Variants in HIVEP3 observed in about 807,000 individuals in gnomAD.
The protein encoded by HIVEP3 is HIVEP zinc finger 3, also known as transcription factor HIVEP3.
In HIVEP3, 49 loss-of-function variants were observed where a neutral mutation model predicts 152.8. That is an observed-to-expected ratio of 0.32 (90% CI 0.26 to 0.41). The LOEUF (loss-of-function observed/expected upper bound fraction) is 0.41, where lower values mean the gene tolerates loss of function less well. Among genes scored for constraint, HIVEP3 ranks in the 10% least tolerant of loss-of-function variants. HIVEP3 has a pLI of 1.00. For missense variants in HIVEP3, 2,790 were observed against 3,103.3 expected (o/e 0.90, Z 2.40); for synonymous variants, 1,269 against 1,289.0 (o/e 0.98, Z 0.33).
At chr1:42,027,554 A>T (rs1190433087) in intron 1 of HIVEP3, among the ~76,000 whole-genome samples, 6 of 152,132 alleles carry the variant, frequency 3.9e-5, no homozygotes, top group Admixed American at 3.9e-4. Flanking sequence ...TCCAGCCACA[A>T]TGTCCTCCTT....
chr1:41,818,521 C>T (rs1642481917), intron 1 of HIVEP3, among the ~76,000 whole-genome samples: 2 of 152,130 alleles, frequency 1.3e-5, no homozygotes, highest in African/African-American at 2.4e-5. Flanking sequence ...TGAAAGCAAC[C>T]CAAGTGCTTT....
At chr1:41,840,361 C>G (rs1449514760) in intron 1 of HIVEP3, among the ~76,000 whole-genome samples, 1 of 152,116 alleles carries the variant, frequency 6.6e-6, no homozygotes, top group African/African-American at 2.4e-5. Context: ...AGGGAGAAGG[C>G]CATGTGATGA....
chr1:41,638,658 G>A (rs1420723654), intron 2 of HIVEP3, among the ~76,000 whole-genome samples: 6 of 152,196 alleles, frequency 3.9e-5, no homozygotes, highest in Non-Finnish European at 7.3e-5. Context: ...CATCTGCAAG[G>A]TGGCACCCAC....
At chr1:41,613,812 C>T (rs898049760) in intron 3 of HIVEP3, among the ~76,000 whole-genome samples, 5 of 152,232 alleles carry the variant, frequency 3.3e-5, no homozygotes, top group Non-Finnish European at 5.9e-5. Context: ...AATCACTCCA[C>T]ATTCCCTTCC....
At chr1:41,696,061 AG>A in intron 2 of HIVEP3, among the ~76,000 whole-genome samples, 1 of 152,326 alleles carries the variant, frequency 6.6e-6, no homozygotes, top group Non-Finnish European at 1.5e-5. Flanking sequence ...CCTAATACAC[AG>A]GGCCGTCTTC....
chr1:41,893,866 A>G (rs1644488137), intron 1 of HIVEP3, among the ~76,000 whole-genome samples: 1 of 147,274 alleles, frequency 6.8e-6, no homozygotes, highest in Admixed American at 6.8e-5. Flanking sequence ...AAAAAATTAT[A>G]TATTATATAT....
intron 3 of HIVEP3, among the ~76,000 whole-genome samples, chr1:41,605,213 G>C (rs2149127730): frequency 6.6e-6 from 1 of 150,378 alleles, no homozygotes; most frequent in Non-Finnish European, 1.5e-5. Flanking sequence ...AGGAAAGGAA[G>C]GAAAGGAAGG....
chr1:41,634,247 G>C (rs1418773828), intron 2 of HIVEP3, among the ~76,000 whole-genome samples: 1 of 152,116 alleles, frequency 6.6e-6, no homozygotes, highest in African/African-American at 2.4e-5. Flanking sequence ...GCAGAAAAAG[G>C]TGAAGTGAAG....
chr1:41,630,749 G>A (rs555869826), intron 2 of HIVEP3, among the ~76,000 whole-genome samples: 2 of 152,288 alleles, frequency 1.3e-5, no homozygotes, highest in Non-Finnish European at 2.9e-5. Flanking sequence ...AGAGAATCCA[G>A]CCACTCTGTA....
rs181956898 is a variant in HIVEP3, at chr1:42,019,494, G to A, written n.119+16313C>T. On this transcript the variant is annotated intron_variant and non_coding_transcript_variant, in intron 1 of 3. Coordinates refer to the HIVEP3 transcript ENST00000489103. Reference sequence around the variant, plus strand: ...TCCTATGAATTCGGTGTTTTCTGAGGCTATTGTAAATGGTATTGTTTTTTA... The same window carrying A: ...TCCTATGAATTCGGTGTTTTCTGAGACTATTGTAAATGGTATTGTTTTTTA... 2.0e-5 allele frequency among the ~76,000 whole-genome samples: 3 copies of A among 150,054 alleles called. No individual in the cohort carries two copies. In the East Asian group the frequency reaches 5.9e-4, roughly 30 times the overall value.
intron 1 of HIVEP3, among the ~76,000 whole-genome samples, chr1:41,800,072 C>G (rs1355612279): frequency 1.3e-5 from 2 of 152,184 alleles, no homozygotes; most frequent in African/African-American, 2.4e-5. Flanking sequence ...CCTGACCATG[C>G]CACGTTCAGA....
intron 1 of HIVEP3, among the ~76,000 whole-genome samples, chr1:41,813,171 C>T (rs966233777): frequency 6.6e-6 from 1 of 152,098 alleles, no homozygotes; most frequent in Non-Finnish European, 1.5e-5. Context: ...CCCAAACAAC[C>T]CCTTCATTTT....
At position 41,510,365 on chromosome 1, in the gene HIVEP3, G is replaced by A. The variant is rs763356353; in HGVS notation, c.*86C>T. 66 of 1,216,064 alleles carry A rather than the reference G, an allele frequency of 5.4e-5. 1 individual carries two copies. The highest frequency in any genetic ancestry group is 1.4e-4 in the Admixed American group (4 of 28,798). The allele number at this position is 1,216,064 out of a possible 1,614,324, so 75.3% of individuals were successfully genotyped here. On this transcript the variant is annotated 3_prime_UTR_variant, in exon 9 of 9. Coordinates refer to ENST00000372583, the MANE Select transcript of HIVEP3 (RefSeq NM_024503.5). The stretch of plus-strand genomic sequence containing the variant: ...CCTGGACGGAGGGACAGATGGGGCT[G>A]AGGAAGTGGGATGATTCGAGGAAAG...
At chr1:41,989,395 CAA>C (rs2124515336) in intron 1 of HIVEP3, among the ~76,000 whole-genome samples, 1 of 151,928 alleles carries the variant, frequency 6.6e-6, no homozygotes, top group South Asian at 2.1e-4. Context: ...AAAAAATAAA[CAA>C]GGAATCATAG....
At chr1:41,970,065 C>G (rs1031196529) in intron 1 of HIVEP3, among the ~76,000 whole-genome samples, 1 of 152,080 alleles carries the variant, frequency 6.6e-6, no homozygotes, top group Admixed American at 6.6e-5. Flanking sequence ...AGTGGAGAAA[C>G]AGGAATGTTT....
intron 1 of HIVEP3, among the ~76,000 whole-genome samples, chr1:42,034,080 G>A (rs1292672426): frequency 6.6e-6 from 1 of 152,086 alleles, no homozygotes; most frequent in Non-Finnish European, 1.5e-5. Context: ...AACATAGGCT[G>A]GCAAATCAAA....
chr1:41,549,036 C>G (rs1643868040), intron 5 of HIVEP3, among the ~76,000 whole-genome samples: 3 of 151,938 alleles, frequency 2.0e-5, no homozygotes, highest in Admixed American at 1.3e-4. Context: ...CCCCCCACCC[C>G]CCAACAGGCC....
chr1:41,892,436 A>G lies in HIVEP3; in HGVS notation c.-801+25977T>C, dbSNP rs187390416. Among the ~76,000 whole-genome samples the G allele has an allele frequency of 1.7e-3, 261 of 152,310 alleles. 3 individuals are homozygous for G. Among genetic ancestry groups the G allele is most frequent in the African/African-American group, 6.0e-3 (251 of 41,554 alleles). On this transcript the variant is annotated intron_variant, in intron 1 of 8. Coordinates refer to ENST00000372583, the MANE Select transcript of HIVEP3 (RefSeq NM_024503.5). ...CTCTGCTCACATCTCACATATGCCC[A>G]GACGCTCTGAACCACAGCCTACCAC...
intron 1 of HIVEP3, among the ~76,000 whole-genome samples, chr1:41,854,091 T>C (rs1167827189): frequency 6.6e-6 from 1 of 152,168 alleles, no homozygotes; most frequent in Non-Finnish European, 1.5e-5. Flanking sequence ...TCCTCTTGGA[T>C]GGAGGCAGAT....
Sources: gnomAD v4.1 joint callset for allele counts (sites outside exome capture counted in the v4.1 genomes callset) on GRCh38, gnomAD v4.1.1 for gene constraint, MANE v1.5 for transcripts, NCBI Gene and HGNC (gene_info 2026-07-23, HGNC 2026-07-21) for gene names.